Variants in OBSL1 observed in about 807,000 individuals in gnomAD.
The protein encoded by OBSL1 is obscurin like cytoskeletal adaptor 1.
OBSL1 carries 160 observed loss-of-function variants against 172.0 expected under a neutral mutation model. That is an observed-to-expected ratio of 0.93 (90% confidence interval 0.82 to 1.06). OBSL1 has a LOEUF of 1.06. Ranked by LOEUF, OBSL1 falls within the 50% of genes least tolerant of loss-of-function variation. OBSL1 has a pLI of 0.00. For synonymous variants in OBSL1, 1,200 were observed against 1,196.3 expected (o/e 1.00, Z -0.06); for missense variants, 2,681 against 2,715.4 (o/e 0.99, Z 0.28).
intron 19 of OBSL1, 102 bp downstream of exon 19, chr2:219,552,010 G>A: frequency 1.6e-6 from 2 of 1,221,166 alleles, no homozygotes; most frequent in Non-Finnish European, 2.4e-6. Flanking sequence ...GGGGGGAAGG[G>A]AAGAGAGAGG....
chr2:219,556,176 G>C lies in OBSL1; in HGVS notation c.4453C>G (p.Arg1485Gly). ...TCGTGGGGCAGGGGCTGCCCACCTC[G>C]CACCCAGCGCACGGCCCCCGCTGCA... ...VGAAGAVRWVRGGQPLPHDSR... is the reference protein window; with the variant it reads ...VGAAGAVRWVGGGQPLPHDSR... The change falls in exon 14 of 21, where the codon CGA becomes GGA. Residue 1485 changes from arginine (R) to glycine (G), a missense_variant. By Grantham distance (125) the Arg-to-Gly change is moderately radical. This residue lies in a region of OBSL1 where 1,765 missense variants were observed against 1,748.3 expected (regional missense o/e 1.01). Transcript: ENST00000404537. 2.5e-6 allele frequency: 4 copies of C among 1,612,830 alleles called. No individual in the cohort carries two copies. In the South Asian group the frequency reaches 4.4e-5, roughly 18 times the overall value.
chr2:219,568,368 G>C lies in OBSL1; in HGVS notation c.1013-44C>G. The C allele has an allele frequency of 6.5e-7, 1 of 1,546,584 alleles. No homozygotes were observed. Among genetic ancestry groups the C allele is most frequent in the Non-Finnish European group, 8.7e-7 (1 of 1,143,962 alleles). ...GAGACAAGAGAGGGCTCTGGAGAAG[G>C]CCCAGACTAGGAGTAGGATACCTAG... On this transcript the variant is annotated intron_variant, in intron 1 of 20. Transcript: ENST00000404537. This position sits in a 1 kb window ranked among gnomAD's most constrained non-coding sequence, Gnocchi z 4.1.
intron 14 of OBSL1, chr2:219,555,665 G>C: frequency 4.6e-6 from 5 of 1,084,044 alleles, no homozygotes; most frequent in Non-Finnish European, 5.6e-6. Flanking sequence ...GCTTTGGGTG[G>C]GAGGTGTGGG....
At position 219,554,701 on chromosome 2, in the gene OBSL1, G is replaced by T. The variant is rs753766902; in HGVS notation, c.4649C>A (p.Thr1550Asn). Residue 1550 changes from threonine to asparagine, a missense_variant, in exon 15 of 21, where the codon ACC becomes AAC. This residue lies in a region of OBSL1 where 1,765 missense variants were observed against 1,748.3 expected (regional missense o/e 1.01). Coordinates refer to ENST00000404537, the MANE Select transcript of OBSL1 (RefSeq NM_015311.3). Reference sequence around the variant, plus strand: ...GGTGGCACTGCCCCCCTCACTGATGGTCACGTCCTCCAGAGGCCGCAGCAC... The same window carrying T: ...GGTGGCACTGCCCCCCTCACTGATGTTCACGTCCTCCAGAGGCCGCAGCAC... Reference protein sequence around the residue: ...LRVLRPLEDVTISEGGSATFQ... With the variant: ...LRVLRPLEDVNISEGGSATFQ... The T allele has an allele frequency of 1.4e-5, 22 of 1,578,888 alleles. No individual in the cohort carries two copies. The South Asian group carries it at 2.4e-4, about 17-fold the overall frequency.
chr2:219,554,110 A>C (rs750526798), intron 15 of OBSL1: 15 of 403,374 alleles, frequency 3.7e-5, no homozygotes, highest in African/African-American at 3.0e-4. Context: ...CGGGGCCCAC[A>C]CTTAGGCGGG....
chr2:219,550,991 G>C (rs963672336), intron 20 of OBSL1, 149 bp from the exon 21 acceptor site: 1 of 1,508,446 alleles, frequency 6.6e-7, no homozygotes, highest in South Asian at 1.2e-5. Context: ...CTGTCTTGGC[G>C]GCAGGAAGGT....
Position 219,565,636 on chromosome 2 carries a change from C to T in OBSL1, c.2135-122G>A, listed in dbSNP as rs1421549365. On this transcript the variant is annotated intron_variant, in intron 5 of 20. Transcript: ENST00000404537. The stretch of plus-strand genomic sequence containing the variant: ...TAAAAATAGGCTTAGGCTTCCACAC[C>T]AACCCTTAAGAGCAGTGCTTTGGCT... 6 of 912,700 alleles carry T rather than the reference C, an allele frequency of 6.6e-6. No individual in the cohort carries two copies. The East Asian group carries it at 1.3e-4, about 20-fold the overall frequency. 56.5% of individuals were successfully genotyped at this position (912,700 alleles called of 1,614,324 possible).
intron 20 of OBSL1, 56 bp downstream of exon 20, chr2:219,551,473 C>G (rs1300184899): frequency 2.4e-5 from 37 of 1,515,002 alleles, no homozygotes; most frequent in Non-Finnish European, 3.3e-5. Flanking sequence ...GTGGCTTAAC[C>G]CATCAGCTCC....
chr2:219,548,038 G>C (rs770324589), downstream of OBSL1: 2 of 1,585,494 alleles, frequency 1.3e-6, no homozygotes, highest in East Asian at 4.5e-5. Flanking sequence ...TGGGCGTTCT[G>C]GTGCAGTGGA....
Position 219,563,456 on chromosome 2 carries a change from G to A in OBSL1, c.2579C>T (p.Pro860Leu). 6.2e-7 allele frequency: 1 copy of A among 1,613,838 alleles called. No homozygotes were observed. ...GGCGGGCAGCACCAGGCGGCGATGG[G>A]GCCCCTCATTCTCCAGCACCACGAA... ...SDFVVLENEG[P>L]HRRLVLPATQ... Residue 860 changes from proline (P) to leucine (L), a missense_variant, in exon 7 of 21, where the codon CCC becomes CTC. Physicochemically the swap from Pro to Leu is moderately conservative, Grantham distance 98. Coordinates refer to ENST00000404537, the MANE Select transcript of OBSL1 (RefSeq NM_015311.3).
chr2:219,554,421 G>A (rs1265438500), intron 15 of OBSL1, 53 bp downstream of exon 15: 25 of 1,593,446 alleles, frequency 1.6e-5, no homozygotes, highest in Non-Finnish European at 4.3e-6. Flanking sequence ...TCATGCCTGG[G>A]GTAAGTAGGG....
In OBSL1 at chr2:219,551,652, A is replaced by G; in HGVS notation, c.5560T>C (p.Tyr1854His). 6.2e-7 allele frequency: 1 copy of G among 1,611,636 alleles called. No homozygotes were observed. The highest frequency in any genetic ancestry group is 8.5e-7 in the Non-Finnish European group (1 of 1,179,224). The change falls in exon 20 of 21, where the codon TAT becomes CAT. Residue 1854 changes from tyrosine (Y) to histidine (H), a missense_variant. This residue lies in a region of OBSL1 where 1,765 missense variants were observed against 1,748.3 expected (regional missense o/e 1.01). Coordinates refer to ENST00000404537, the MANE Select transcript of OBSL1 (RefSeq NM_015311.3). Reference sequence around the variant, plus strand: ...GTGGGGCCGTGGCTGCGCATCTCATACTTATCTCCCGGGCACAGCTCGGCC... The same window carrying G: ...GTGGGGCCGTGGCTGCGCATCTCATGCTTATCTCCCGGGCACAGCTCGGCC... Reference protein sequence around the residue: ...EGAELCPGDKYEMRSHGPTHS... With the variant: ...EGAELCPGDKHEMRSHGPTHS...
intron 17 of OBSL1, 23 bp downstream of exon 17, chr2:219,552,845 C>T (rs556604664): frequency 2.6e-6 from 4 of 1,542,232 alleles, no homozygotes; most frequent in South Asian, 1.2e-5. Flanking sequence ...CAGTGCCCAG[C>T]CTCCACATCA....
intron 8 of OBSL1, among the ~76,000 whole-genome samples, chr2:219,560,712 A>G (rs1696399309): frequency 6.6e-6 from 1 of 152,140 alleles, no homozygotes; most frequent in Non-Finnish European, 1.5e-5. Context: ...TCCTGCCTTG[A>G]GCCACACAAC....
downstream of OBSL1, chr2:219,550,013 G>C: frequency 9.6e-7 from 1 of 1,038,258 alleles, no homozygotes; most frequent in African/African-American, 1.6e-5. Context: ...GCGAGTCTTG[G>C]CCTGAGAGGA....
intron 8 of OBSL1, among the ~76,000 whole-genome samples, chr2:219,561,440 C>A (rs912589485): frequency 1.3e-5 from 2 of 152,136 alleles, no homozygotes; most frequent in Non-Finnish European, 2.9e-5. Context: ...CACTTAGCTC[C>A]AGTATCAGCT....
chr2:219,567,077 G>A lies in OBSL1; in HGVS notation c.1887C>T (p.Asp629=), dbSNP rs377378051. 79 of 1,613,116 alleles carry A rather than the reference G, an allele frequency of 4.9e-5. 1 individual carries two copies. The highest frequency in any genetic ancestry group is 1.1e-4 in the African/African-American group (8 of 74,936). ...CGAGGGAGAAGACGGCATCTTCCCC[G>A]TCGTATACCTGCACATCCTCCAGAC... ...VAGLEDVQVY[D]GEDAVFSLDL... is the part of the protein sequence containing the mutation. The change falls in exon 5 of 21, where the codon GAC becomes GAT. Residue 629 remains aspartate, a synonymous_variant. Coordinates refer to ENST00000404537, the MANE Select transcript of OBSL1 (RefSeq NM_015311.3).
chr2:219,565,662 G>T lies in OBSL1; in HGVS notation c.2135-148C>A, dbSNP rs1195548655. The T allele has an allele frequency of 2.0e-5, 15 of 756,138 alleles. No individual in the cohort carries two copies. In the East Asian group the frequency reaches 3.8e-4, roughly 19 times the overall value. The allele number at this position is 756,138 out of a possible 1,614,324, so 46.8% of individuals were successfully genotyped here. A position where few individuals can be genotyped will look rare whatever the true frequency, so the allele number is the denominator to read the frequency against. ...AACCCTTAAGAGCAGTGCTTTGGCT[G>T]TGCATAAGAATTCCTAGGGAGCCTG... On this transcript the variant is annotated intron_variant, in intron 5 of 20. Transcript: ENST00000404537.
chr2:219,568,318 CG>C lies in OBSL1; in HGVS notation c.1018del (p.Arg340AlafsTer63), dbSNP rs1311672359. The C allele has an allele frequency of 6.2e-7, 1 of 1,602,126 alleles. No homozygotes were observed. The highest frequency in any genetic ancestry group is 8.5e-7 in the Non-Finnish European group (1 of 1,174,540). ...SAVQLHVKEP[R>X]LRFTRPLQDV... ...CTGCAGGGGCCGTGTGAACCGGAGG[CG>C]GGGCTCTGTGGAGAGGGGAGAGAGA... is the stretch of plus-strand genomic sequence containing the variant. On this transcript the variant is annotated frameshift_variant, in exon 2 of 21. Transcript: ENST00000404537. LOFTEE classifies it high-confidence loss of function. The surrounding 1 kb of genome is among the most constrained non-coding windows in gnomAD (Gnocchi z 4.1).
Sources: allele counts gnomAD v4.1 joint callset (sites outside exome capture counted in the v4.1 genomes callset), GRCh38; gene constraint gnomAD v4.1.1; regional missense constraint gnomAD v4.1.1; non-coding constraint Gnocchi (gnomAD v3.1); transcripts MANE v1.5; gene names NCBI Gene and HGNC (gene_info 2026-07-23, HGNC 2026-07-21).